ADGRL2: variants seen among roughly 807,000 people sequenced by gnomAD.
ADGRL2 encodes the protein adhesion G protein-coupled receptor L2.
Under a neutral mutation model 157.4 loss-of-function variants are expected in ADGRL2, and 44 were observed. The ratio of observed to expected loss-of-function variants is 0.28; its 90% CI spans 0.22 to 0.36. The LOEUF is 0.36. Ranked by LOEUF, ADGRL2 falls within the 10% of genes least tolerant of loss-of-function variation. ADGRL2 has a pLI of 1.00. For synonymous variants in ADGRL2, 585 were observed against 624.7 expected, an observed-to-expected ratio of 0.94 and a Z score of 0.95; for missense variants, 1,510 against 1,768.9, an observed-to-expected ratio of 0.85 and a Z score of 2.63.
At chr1:81,476,588 C>G (rs922859000) in intron 2 of ADGRL2, among the ~76,000 whole-genome samples, 1 of 152,062 alleles carries the variant, frequency 6.6e-6, no homozygotes, top group Non-Finnish European at 1.5e-5. Flanking sequence ...GCCTGCTTAC[C>G]TTCCATTTTC....
At chr1:81,849,788 C>G (rs2092932308) in intron 2 of ADGRL2, among the ~76,000 whole-genome samples, 1 of 151,842 alleles carries the variant, frequency 6.6e-6, no homozygotes, top group Non-Finnish European at 1.5e-5. Context: ...TGGATGGACA[C>G]CTTCCTAAGT....
At chr1:81,532,067 A>G (rs2079613069) in intron 2 of ADGRL2, among the ~76,000 whole-genome samples, 1 of 152,174 alleles carries the variant, frequency 6.6e-6, no homozygotes, top group Admixed American at 6.6e-5. Context: ...TACAAGCTCC[A>G]TGGCTTTAAT....
At chr1:81,828,105 C>T (rs1258423351) in intron 1 of ADGRL2, among the ~76,000 whole-genome samples, 1 of 152,132 alleles carries the variant, frequency 6.6e-6, no homozygotes, top group Non-Finnish European at 1.5e-5. Context: ...TATGGCTAGC[C>T]ATCAGTTTTG....
chr1:81,404,463 A>C (rs1407711166), intron 1 of ADGRL2, among the ~76,000 whole-genome samples: 1 of 152,188 alleles, frequency 6.6e-6, no homozygotes, highest in Non-Finnish European at 1.5e-5. Context: ...TGAGCTTTTA[A>C]TCACATTTTA....
At chr1:81,514,519 T>C (rs2079138142) in intron 2 of ADGRL2, 1 of 152,196 alleles carries the variant, frequency 6.6e-6, no homozygotes, top group Non-Finnish European at 1.5e-5. Context: ...AAATGTTTTT[T>C]CAACTTTGGG....
In ADGRL2 at chr1:81,494,114, G is replaced by C. The variant is rs186761892; in HGVS notation, c.-248+49025G>C. Among the ~76,000 whole-genome samples, 199 of 152,244 alleles carry C rather than the reference G, an allele frequency of 1.3e-3. 1 individual carries two copies. Among genetic ancestry groups the C allele is most frequent in the African/African-American group, 4.7e-3 (194 of 41,566 alleles). ...ATGTTCAGTGATCTAATAGCACCAA[G>C]TTTTGCAAACTCTCTTGCCTAAATG... On this transcript the variant is annotated intron_variant, in intron 2 of 24. Transcript: ENST00000370721.
chr1:81,932,613 G>C (rs1431187585), intron 3 of ADGRL2, among the ~76,000 whole-genome samples: 2 of 152,138 alleles, frequency 1.3e-5, no homozygotes, highest in East Asian at 3.9e-4. Flanking sequence ...TGCAACACTT[G>C]TTAAATCTGA....
At chr1:81,427,319 C>A (rs1050920655) in intron 1 of ADGRL2, 1 of 723,896 alleles carries the variant, frequency 1.4e-6, no homozygotes, top group East Asian at 2.5e-5. Context: ...CTATGACAGT[C>A]GTCCTGGTTA....
intron 1 of ADGRL2, among the ~76,000 whole-genome samples, chr1:81,820,564 ACT>A (rs934451784): frequency 1.4e-4 from 20 of 147,808 alleles, no homozygotes; most frequent in Admixed American, 1.1e-3. Flanking sequence ...TGGGGGGAAG[ACT>A]CTTCTTTTTT....
At chr1:81,611,171 GA>G (rs2081533667) in intron 3 of ADGRL2, among the ~76,000 whole-genome samples, 1 of 152,178 alleles carries the variant, frequency 6.6e-6, no homozygotes, top group Non-Finnish European at 1.5e-5. Context: ...TTGTGAAAAT[GA>G]AATGTGGTTC....
chr1:81,432,753 G>A (rs1192547163), intron 1 of ADGRL2, among the ~76,000 whole-genome samples: 1 of 152,088 alleles, frequency 6.6e-6, no homozygotes, highest in Non-Finnish European at 1.5e-5. Flanking sequence ...GCTTGGAAAA[G>A]GCACTGGATT....
chr1:81,842,237 C>T (rs1048206060), intron 2 of ADGRL2, among the ~76,000 whole-genome samples: 1 of 151,414 alleles, frequency 6.6e-6, no homozygotes, highest in Non-Finnish European at 1.5e-5. Flanking sequence ...AGTTAGTATC[C>T]AGTTGTTTCT....
intron 3 of ADGRL2, among the ~76,000 whole-genome samples, chr1:81,925,339 A>G (rs2095079365): frequency 6.6e-6 from 1 of 151,998 alleles, no homozygotes; most frequent in African/African-American, 2.4e-5. Flanking sequence ...AAAATATCCT[A>G]TGAGTTTGTT....
At chr1:81,900,609 A>G (rs2094468603) in intron 2 of ADGRL2, among the ~76,000 whole-genome samples, 1 of 152,206 alleles carries the variant, frequency 6.6e-6, no homozygotes, top group Admixed American at 6.5e-5. Context: ...ACTGGAAACC[A>G]TTCTGAAACT....
At chr1:81,605,910 G>A (rs2081422669) in intron 3 of ADGRL2, among the ~76,000 whole-genome samples, 1 of 152,166 alleles carries the variant, frequency 6.6e-6, no homozygotes, top group Non-Finnish European at 1.5e-5. Flanking sequence ...GAAACAGGCT[G>A]AATTTGATGA....
At chr1:81,445,747 C>T (rs1337151090) in intron 2 of ADGRL2, among the ~76,000 whole-genome samples, 1 of 152,162 alleles carries the variant, frequency 6.6e-6, no homozygotes, top group Non-Finnish European at 1.5e-5. Flanking sequence ...CACCTAAATT[C>T]AAAGTGTGAT....
intron 2 of ADGRL2, among the ~76,000 whole-genome samples, chr1:81,509,673 G>A (rs534123813): frequency 6.6e-6 from 1 of 152,326 alleles, no homozygotes; most frequent in Non-Finnish European, 1.5e-5. Flanking sequence ...GCTAGCTCAA[G>A]TAACAAAGCC....
At chr1:81,419,763 C>T (rs576605320) in intron 1 of ADGRL2, among the ~76,000 whole-genome samples, 3 of 152,270 alleles carry the variant, frequency 2.0e-5, no homozygotes, top group African/African-American at 7.2e-5. Flanking sequence ...CTTTGAGAAT[C>T]ACAAATGCTG....
chr1:81,849,131 C>A (rs975159195), intron 2 of ADGRL2, among the ~76,000 whole-genome samples: 1 of 151,872 alleles, frequency 6.6e-6, no homozygotes, highest in Non-Finnish European at 1.5e-5. Flanking sequence ...TACCAGAAAG[C>A]TTGCCTTTGA....
Sources: gnomAD v4.1 joint callset for allele counts (sites outside exome capture counted in the v4.1 genomes callset) on GRCh38, gnomAD v4.1.1 for gene constraint, MANE v1.5 for transcripts, NCBI Gene and HGNC (gene_info 2026-07-23, HGNC 2026-07-21) for gene names.